Variants in FAM234B observed in about 807,000 individuals in gnomAD.
FAM234B encodes family with sequence similarity 234 member B.
Under a neutral mutation model 69.3 loss-of-function variants are expected in FAM234B, and 33 were observed. That is an observed-to-expected ratio of 0.48 (90% CI 0.36 to 0.64). The LOEUF (loss-of-function observed/expected upper bound fraction) is 0.64, where lower values mean the gene tolerates loss of function less well. Among genes scored for constraint, FAM234B ranks in the 30% least tolerant of loss-of-function variants. The pLI, the probability that FAM234B is intolerant of heterozygous loss-of-function variation, is 0.00. For missense variants in FAM234B, 697 were observed against 769.7 expected, an observed-to-expected ratio of 0.91 and a Z score of 1.12; for synonymous variants, 306 against 306.9, an observed-to-expected ratio of 1.00 and a Z score of 0.03.
At chr12:13,063,397 T>C (rs1178551821) in intron 5 of FAM234B, among the ~76,000 whole-genome samples, 1 of 152,268 alleles carries the variant, frequency 6.6e-6, no homozygotes, top group Non-Finnish European at 1.5e-5. Flanking sequence ...TTGCTGTGTA[T>C]ATGTATTTTT....
rs759150397 is a variant in FAM234B at position 13,055,737 on chromosome 12, C to T, written c.224C>T (p.Ser75Leu). Residue 75 changes from serine to leucine, a missense_variant, in exon 2 of 13, where the codon TCA (serine) becomes TTA (leucine). Around this residue, in one of 3 missense-constraint regions of FAM234B, gnomAD observed 380 missense variants for 447.1 expected, o/e 0.85. Transcript: ENST00000197268. ...EVAEAAKPHLSEVTTEGYPSE... is the reference protein window; with the variant it reads ...EVAEAAKPHLLEVTTEGYPSE... Reference sequence around the variant, plus strand: ...GCAGAGGCTGCAAAGCCACATCTTTCAGAAGTCACCACGGAGGGCTACCCC... The same window carrying T: ...GCAGAGGCTGCAAAGCCACATCTTTTAGAAGTCACCACGGAGGGCTACCCC... 5.0e-6 allele frequency: 8 copies of T among 1,614,116 alleles called. No individual in the cohort carries two copies. In the African/African-American group the frequency reaches 6.7e-5, roughly 13 times the overall value.
Position 13,057,929 on chromosome 12 carries a change from G to T in FAM234B, c.434-522G>T, listed in dbSNP as rs139215910. ...GGTACCTTGTTACATCCAGGAGAGGGTGGGAGCCAGGCTCCACATTCAGCC... is the reference window on the plus strand; with the variant it reads ...GGTACCTTGTTACATCCAGGAGAGGTTGGGAGCCAGGCTCCACATTCAGCC... On this transcript the variant is annotated intron_variant, in intron 2 of 12. Transcript: ENST00000197268. 2.3e-3 allele frequency among the ~76,000 whole-genome samples: 353 copies of T among 152,354 alleles called. 1 individual carries two copies. The highest frequency in any genetic ancestry group is 7.8e-3 in the African/African-American group (326 of 41,572).
At chr12:13,056,522 TC>T (rs1222078769) in intron 2 of FAM234B, among the ~76,000 whole-genome samples, 7 of 152,200 alleles carry the variant, frequency 4.6e-5, no homozygotes, top group African/African-American at 1.2e-4. Flanking sequence ...GACTTACATC[TC>T]ACCTGTGTTG....
chr12:13,062,840 C>T lies in FAM234B; in HGVS notation c.722-5C>T, dbSNP rs1470809421. ...ATAGTGACCAGCCTATGTGTCCTTC[C>T]TCAGGGAAAGCCATTTGGACTTTAA... On this transcript the variant is annotated splice_polypyrimidine_tract_variant and splice_region_variant and intron_variant, in intron 4 of 12. Coordinates refer to ENST00000197268, the MANE Select transcript of FAM234B (RefSeq NM_020853.2). The T allele has an allele frequency of 6.2e-7, 1 of 1,613,658 alleles. No homozygotes were observed. The highest frequency in any genetic ancestry group is 8.5e-7 in the Non-Finnish European group (1 of 1,179,748).
intron 1 of FAM234B, among the ~76,000 whole-genome samples, chr12:13,049,591 T>C (rs1040797921): frequency 1.3e-5 from 2 of 152,262 alleles, no homozygotes; most frequent in Non-Finnish European, 1.5e-5. Context: ...ATTCTTTTTA[T>C]GTCTCTGACT....
In FAM234B at chr12:13,046,308, A is replaced by G. The variant is rs79894646; in HGVS notation, c.37+1868A>G. ...TCTTCTTCCCTCCACCCAAAATACT[A>G]TTTTTAGTTTTTGCATTAGGTACAA... On this transcript the variant is annotated intron_variant, in intron 1 of 12. Coordinates refer to ENST00000197268, the MANE Select transcript of FAM234B (RefSeq NM_020853.2). Among the ~76,000 whole-genome samples the G allele has an allele frequency of 2.1e-3, 317 of 151,928 alleles. 3 individuals are homozygous for G. Among genetic ancestry groups the G allele is most frequent in the African/African-American group, 7.4e-3 (307 of 41,438 alleles).
intron 1 of FAM234B, among the ~76,000 whole-genome samples, chr12:13,051,775 AG>A (rs1027488041): frequency 2.0e-5 from 3 of 152,162 alleles, no homozygotes; most frequent in African/African-American, 7.2e-5. Context: ...GAGGTGTTTA[AG>A]TTGGAGCTGA....
At chr12:13,073,886 ACAT>A (rs1865134225) in intron 10 of FAM234B, among the ~76,000 whole-genome samples, 2 of 152,250 alleles carry the variant, frequency 1.3e-5, no homozygotes, top group Admixed American at 6.5e-5. Context: ...TTAATCTCCG[ACAT>A]CATTTTGTCC....
Position 13,062,836 on chromosome 12 carries a change from C to G in FAM234B, c.722-9C>G, listed in dbSNP as rs746238306. ...TGTCATAGTGACCAGCCTATGTGTC[C>G]TTCCTCAGGGAAAGCCATTTGGACT... is the stretch of plus-strand genomic sequence containing the variant. On this transcript the variant is annotated splice_polypyrimidine_tract_variant and intron_variant, in intron 4 of 12. Transcript: ENST00000197268. 6.2e-7 allele frequency: 1 copy of G among 1,613,632 alleles called. No individual in the cohort carries two copies. The highest frequency in any genetic ancestry group is 1.1e-5 in the South Asian group (1 of 91,030).
chr12:13,044,384 C>T lies in FAM234B; in HGVS notation c.-20C>T. On this transcript the variant is annotated 5_prime_UTR_variant, in exon 1 of 13. In the 5' UTR this introduces an upstream ATG that the reference lacks. Coordinates refer to ENST00000197268, the MANE Select transcript of FAM234B (RefSeq NM_020853.2). This position sits in a 1 kb window ranked among gnomAD's most constrained non-coding sequence, Gnocchi z 5.6. ...TCCCGGCAGAACGCGGGCGCGCGCA[C>T]GCGCACCGGGGCCTCAGCCATGGCG... 9.0e-6 allele frequency: 14 copies of T among 1,550,322 alleles called. No homozygotes were observed. The highest frequency in any genetic ancestry group is 1.2e-5 in the Non-Finnish European group (14 of 1,147,044).
In FAM234B at chr12:13,055,570, AG is replaced by A; in HGVS notation, c.61del (p.Glu21SerfsTer89). ...KLPGKKSPDL[G>X]EYDPLTQADS... ...TTTCAGGGAAGAAGAGCCCAGACCT[AG>A]GGGAGTATGATCCACTTACCCAGGC... is the stretch of plus-strand genomic sequence containing the variant. On this transcript the variant is annotated frameshift_variant, in exon 2 of 13. Transcript: ENST00000197268. LOFTEE classifies it high-confidence loss of function. 1 of 1,606,336 alleles carries A rather than the reference AG, an allele frequency of 6.2e-7. No individual in the cohort carries two copies.
At position 13,063,818 on chromosome 12, in the gene FAM234B, A is replaced by G. The variant is rs192058780; in HGVS notation, c.852+843A>G. On this transcript the variant is annotated intron_variant, in intron 5 of 12. Coordinates refer to ENST00000197268, the MANE Select transcript of FAM234B (RefSeq NM_020853.2). Reference sequence around the variant, plus strand: ...ACTTCCTAGTGTGTCTGCCAAGGAAATGCTTGTGCACAAAAGAGTCAAACA... The same window carrying G: ...ACTTCCTAGTGTGTCTGCCAAGGAAGTGCTTGTGCACAAAAGAGTCAAACA... Among the ~76,000 whole-genome samples, 22 of 152,352 alleles carry G rather than the reference A, an allele frequency of 1.4e-4. No individual in the cohort carries two copies. In the East Asian group the frequency reaches 3.9e-3, roughly 27 times the overall value.
chr12:13,051,280 TA>T (rs1370657237), intron 1 of FAM234B, among the ~76,000 whole-genome samples: 6 of 152,362 alleles, frequency 3.9e-5, no homozygotes, highest in African/African-American at 1.4e-4. Flanking sequence ...CATAGCATGA[TA>T]AAAATGAATT....
intron 5 of FAM234B, among the ~76,000 whole-genome samples, chr12:13,064,700 T>C (rs962719267): frequency 1.3e-5 from 2 of 152,186 alleles, no homozygotes; most frequent in African/African-American, 2.4e-5. Flanking sequence ...TAGGAAAACC[T>C]TGTAGAGGCA....
intron 5 of FAM234B, among the ~76,000 whole-genome samples, chr12:13,064,814 ACT>A (rs916984442): frequency 2.0e-5 from 3 of 151,742 alleles, no homozygotes; most frequent in Non-Finnish European, 4.4e-5. Flanking sequence ...GAGATGGAAG[ACT>A]CTCTCTTCAC....
At chr12:13,076,269 T>G in intron 11 of FAM234B, 126 bp downstream of exon 11, 1 of 746,634 alleles carries the variant, frequency 1.3e-6, no homozygotes, top group Non-Finnish European at 2.3e-6. Context: ...AGCAGGGCAC[T>G]TTCCCTGGTG....
At chr12:13,076,189 G>C (rs758210066) in intron 11 of FAM234B, 46 bp downstream of exon 11, 2 of 1,395,240 alleles carry the variant, frequency 1.4e-6, no homozygotes, top group South Asian at 2.3e-5. Context: ...GATGGTGGGA[G>C]AGTATGTGTT....
chr12:13,074,559 A>G (rs1275090110), intron 10 of FAM234B, among the ~76,000 whole-genome samples: 1 of 152,188 alleles, frequency 6.6e-6, no homozygotes, highest in Non-Finnish European at 1.5e-5. Flanking sequence ...GGTGATGATC[A>G]GACATTTGTG....
At chr12:13,070,517 T>C (rs1001514785) in intron 9 of FAM234B, among the ~76,000 whole-genome samples, 2 of 152,062 alleles carry the variant, frequency 1.3e-5, no homozygotes, top group African/African-American at 4.8e-5. Flanking sequence ...ACACTTGGGC[T>C]GGAGGAAATT....
Sources: gnomAD v4.1 joint callset for allele counts (sites outside exome capture counted in the v4.1 genomes callset) on GRCh38, gnomAD v4.1.1 for gene constraint, gnomAD v4.1.1 regional missense constraint, Gnocchi (gnomAD v3.1) non-coding constraint, MANE v1.5 for transcripts, NCBI Gene and HGNC (gene_info 2026-07-23, HGNC 2026-07-21) for gene names.